PTPRD: variants seen among roughly 807,000 people sequenced by gnomAD.
PTPRD encodes the protein protein tyrosine phosphatase receptor type D, also known as receptor-type tyrosine-protein phosphatase delta.
PTPRD carries 34 observed loss-of-function variants against 214.5 expected under a neutral mutation model. That is an observed-to-expected ratio of 0.16 (90% confidence interval 0.12 to 0.21). The LOEUF (loss-of-function observed/expected upper bound fraction) is 0.21. Among genes scored for constraint, PTPRD ranks in the 10% least tolerant of loss-of-function variants. The probability of loss-of-function intolerance (pLI) is 1.00; values close to 1 mark genes in which losing one functional copy is unlikely to be tolerated. For synonymous variants in PTPRD, 1,128 were observed against 845.7 expected (o/e 1.33, Z -5.79); for missense variants, 2,545 against 2,398.7 (o/e 1.06, Z -1.27).
intron 4 of PTPRD, among the ~76,000 whole-genome samples, chr9:10,020,096 G>C (rs1053642778): frequency 6.6e-6 from 1 of 152,022 alleles, no homozygotes; most frequent in Non-Finnish European, 1.5e-5. Flanking sequence ...CCTTACTTTT[G>C]TGATTTGAAG....
At chr9:8,331,359 A>ATT (rs906627105) in intron 44 of PTPRD, among the ~76,000 whole-genome samples, 1 of 152,066 alleles carries the variant, frequency 6.6e-6, no homozygotes, top group Non-Finnish European at 1.5e-5. Flanking sequence ...TAGGAAGCAA[A>ATT]TTTTTTGGGG....
chr9:8,324,519 C>G (rs199568151), intron 44 of PTPRD, among the ~76,000 whole-genome samples: 4 of 152,066 alleles, frequency 2.6e-5, no homozygotes, highest in Admixed American at 6.6e-5. Context: ...ATTTGGGTTG[C>G]TTACAAGTCT....
intron 9 of PTPRD, among the ~76,000 whole-genome samples, chr9:9,380,073 G>C (rs2061777093): frequency 1.3e-5 from 2 of 151,982 alleles, no homozygotes; most frequent in South Asian, 4.1e-4. Context: ...TAGCGAGATA[G>C]GGAATCCTTT....
intron 5 of PTPRD, among the ~76,000 whole-genome samples, chr9:9,808,561 T>C (rs1565424034): frequency 1.3e-5 from 2 of 152,176 alleles, no homozygotes; most frequent in Admixed American, 6.5e-5. Flanking sequence ...ACTTTATCTA[T>C]ATAATAAGAC....
intron 11 of PTPRD, among the ~76,000 whole-genome samples, chr9:8,797,528 C>A (rs377284379): frequency 6.6e-6 from 1 of 152,140 alleles, no homozygotes; most frequent in African/African-American, 2.4e-5. Context: ...CTATGAAGAT[C>A]GCCTTGCCCT....
intron 2 of PTPRD, among the ~76,000 whole-genome samples, chr9:10,560,509 G>GT (rs2063681411): frequency 6.6e-6 from 1 of 152,050 alleles, no homozygotes; most frequent in African/African-American, 2.4e-5. Flanking sequence ...GTATACATAT[G>GT]TAACTAACCT....
chr9:9,371,963 C>A (rs1301430539), intron 9 of PTPRD, among the ~76,000 whole-genome samples: 2 of 152,174 alleles, frequency 1.3e-5, no homozygotes, highest in Non-Finnish European at 2.9e-5. Context: ...TTTGATTGCA[C>A]TGTGGTCTGA....
intron 11 of PTPRD, among the ~76,000 whole-genome samples, chr9:8,757,675 T>C (rs894966647): frequency 3.4e-5 from 5 of 146,598 alleles, no homozygotes; most frequent in African/African-American, 1.3e-4. Context: ...TACATACATA[T>C]ATATATATAC....
intron 3 of PTPRD, among the ~76,000 whole-genome samples, chr9:10,126,141 G>C (rs562099705): frequency 6.6e-6 from 1 of 152,138 alleles, no homozygotes; most frequent in East Asian, 1.9e-4. Flanking sequence ...AACAATTCAA[G>C]AATTAGATTG....
chr9:9,753,773 G>T (rs551302735), intron 6 of PTPRD, among the ~76,000 whole-genome samples: 10 of 151,890 alleles, frequency 6.6e-5, no homozygotes, highest in African/African-American at 2.4e-4. Flanking sequence ...TAAATTCAGA[G>T]GTCACCATTT....
At chr9:9,617,698 G>A (rs904118682) in intron 7 of PTPRD, among the ~76,000 whole-genome samples, 1 of 152,134 alleles carries the variant, frequency 6.6e-6, no homozygotes, top group African/African-American at 2.4e-5. Flanking sequence ...AGTAGGGCCA[G>A]TGTAAGAGAT....
intron 4 of PTPRD, among the ~76,000 whole-genome samples, chr9:9,955,656 T>G (rs2093854872): frequency 6.6e-6 from 1 of 151,994 alleles, no homozygotes; most frequent in African/African-American, 2.4e-5. Flanking sequence ...CCCAAGTAGC[T>G]GGGACTACAG....
chr9:9,912,067 A>G (rs993317591), intron 5 of PTPRD, among the ~76,000 whole-genome samples: 4 of 152,166 alleles, frequency 2.6e-5, no homozygotes, highest in African/African-American at 9.6e-5. Context: ...CCTTGCTGAT[A>G]TATCTGCAAT....
At chr9:9,427,765 C>T (rs2081519837) in intron 8 of PTPRD, among the ~76,000 whole-genome samples, 1 of 152,132 alleles carries the variant, frequency 6.6e-6, no homozygotes, top group East Asian at 1.9e-4. Context: ...ACTCAACATG[C>T]TTAAAGAAAG....
chr9:8,463,155 A>G (rs1393273199), intron 32 of PTPRD, among the ~76,000 whole-genome samples: 2 of 151,788 alleles, frequency 1.3e-5, no homozygotes, highest in Non-Finnish European at 2.9e-5. Flanking sequence ...ATCAAGCAGG[A>G]GAACAGATGT....
chr9:9,611,952 T>A (rs1376876408), intron 7 of PTPRD, among the ~76,000 whole-genome samples: 3 of 152,104 alleles, frequency 2.0e-5, no homozygotes, highest in Admixed American at 6.6e-5. Flanking sequence ...CTTTATATAC[T>A]TTCACAAGAA....
intron 2 of PTPRD, among the ~76,000 whole-genome samples, chr9:10,449,864 A>G (rs2098828379): frequency 6.6e-6 from 1 of 151,824 alleles, no homozygotes; most frequent in Non-Finnish European, 1.5e-5. Flanking sequence ...AGAAAGAAGT[A>G]GACATAGGAG....
chr9:9,714,060 C>A (rs910793278), intron 7 of PTPRD, among the ~76,000 whole-genome samples: 4 of 132,516 alleles, frequency 3.0e-5, no homozygotes, highest in African/African-American at 5.7e-5. Flanking sequence ...GACCCCAGTA[C>A]ATCTTTTACA....
At chr9:8,742,213 G>A (rs980668801) in intron 11 of PTPRD, among the ~76,000 whole-genome samples, 2 of 152,056 alleles carry the variant, frequency 1.3e-5, no homozygotes, top group Non-Finnish European at 2.9e-5. Flanking sequence ...TAATAGTAAT[G>A]TATGATTTGT....
Sources: allele counts gnomAD v4.1 joint callset (sites outside exome capture counted in the v4.1 genomes callset), GRCh38; gene constraint gnomAD v4.1.1; transcripts MANE v1.5; gene names NCBI Gene and HGNC (gene_info 2026-07-23, HGNC 2026-07-21).